The following RNF216 variants were observed in gnomAD, a reference collection of about 807,000 sequenced individuals.
The protein encoded by RNF216 is ring finger protein 216.
RNF216 carries 72 observed loss-of-function variants against 110.8 expected under a neutral mutation model. The observed-to-expected ratio is 0.65, with a 90% CI of 0.54 to 0.79. The LOEUF (loss-of-function observed/expected upper bound fraction) is 0.79, where lower values mean the gene tolerates loss of function less well. Ranked by LOEUF, RNF216 falls within the 30% of genes least tolerant of loss-of-function variation. RNF216 has a pLI of 0.00. For missense variants in RNF216, 1,342 were observed against 1,141.2 expected (o/e 1.18, Z -2.54); for synonymous variants, 495 against 407.5 (o/e 1.21, Z -2.59).
At chr7:5,682,456 G>A (rs528997854) in intron 13 of RNF216, among the ~76,000 whole-genome samples, 1 of 149,442 alleles carries the variant, frequency 6.7e-6, no homozygotes, top group Admixed American at 6.7e-5. Flanking sequence ...TGCCCAGGCT[G>A]CAGTGCAGTG....
At chr7:5,721,232 A>T in intron 8 of RNF216, 60 bp from the exon 9 acceptor site, 1 of 1,472,648 alleles carries the variant, frequency 6.8e-7, no homozygotes, top group East Asian at 2.3e-5. Context: ...AACCTGGGCC[A>T]GCCATGTCCA....
At chr7:5,659,389 G>C (rs1276551704) in intron 13 of RNF216, among the ~76,000 whole-genome samples, 1 of 152,184 alleles carries the variant, frequency 6.6e-6, no homozygotes, top group Non-Finnish European at 1.5e-5. Flanking sequence ...AGTCGGCCAG[G>C]TATGGGTACA....
chr7:5,767,170 G>C (rs1359816188), intron 1 of RNF216, among the ~76,000 whole-genome samples: 1 of 152,142 alleles, frequency 6.6e-6, no homozygotes, highest in Non-Finnish European at 1.5e-5. Flanking sequence ...CAGAAAGGAC[G>C]AATATATAAA....
rs28679698 is a variant in RNF216, at chr7:5,641,080, T to C, written c.2382+74A>G. On this transcript the variant is annotated intron_variant, in intron 15 of 16. Transcript: ENST00000389902. ...CCTAAGTCAAATTTTGTTACGTATA[T>C]TCAAAATATTTGTCATAAAAATATA... The C allele has an allele frequency of 0.013, 15,361 of 1,221,592 alleles. 1,386 individuals carry two copies. The African/African-American group carries it at 0.2, about 16-fold the overall frequency. 75.7% of individuals were successfully genotyped at this position (1,221,592 alleles called of 1,614,324 possible). A position where few individuals can be genotyped will look rare whatever the true frequency, so the allele number is the denominator to read the frequency against.
At chr7:5,649,306 C>CGCTTGAACCTGGGAG (rs1562788427) in intron 14 of RNF216, among the ~76,000 whole-genome samples, 1 of 151,748 alleles carries the variant, frequency 6.6e-6, no homozygotes, top group African/African-American at 2.4e-5. Flanking sequence ...GCAGTAGAGT[C>CGCTTGAACCTGGGAG]GCTTGAACCT....
chr7:5,650,405 A>C (rs1322499230), intron 14 of RNF216, among the ~76,000 whole-genome samples: 1 of 152,218 alleles, frequency 6.6e-6, no homozygotes, highest in Non-Finnish European at 1.5e-5. Context: ...GTGCTTTGTA[A>C]GTAATTCTCC....
At chr7:5,705,918 AAAACAAAACAAAAC>A (rs1483706380) in intron 13 of RNF216, among the ~76,000 whole-genome samples, 2 of 966 alleles carry the variant, frequency 2.1e-3, no homozygotes, top group African/African-American at 7.6e-3. Context: ...AACAAAAACT[AAAACAAAACAAAAC>A]AAAACAAAAC....
intron 7 of RNF216, 37 bp from the exon 8 acceptor site, chr7:5,725,475 T>C (rs1163842785): frequency 2.4e-6 from 3 of 1,225,880 alleles, no homozygotes; most frequent in Admixed American, 1.8e-5. Context: ...CTTCTGTAAA[T>C]AGAAAATAAG....
intron 13 of RNF216, among the ~76,000 whole-genome samples, chr7:5,697,897 G>C (rs999988902): frequency 6.6e-5 from 10 of 152,296 alleles, no homozygotes; most frequent in East Asian, 1.9e-4. Context: ...AAGTCTAACA[G>C]AGCAGGGGAG....
intron 13 of RNF216, among the ~76,000 whole-genome samples, chr7:5,711,224 G>C (rs188647858): frequency 9.2e-5 from 14 of 152,328 alleles, no homozygotes; most frequent in Non-Finnish European, 2.1e-4. Context: ...ACAAAGATCT[G>C]CAACAGTAAT....
rs1294318974 is a variant in RNF216, at chr7:5,696,426, T to C, written c.2061+15335A>G. ...TGAAGGTTACATGGTTTCCTCCTTA[T>C]GTAAAGCACCTGAGGACTAAAACAA... On this transcript the variant is annotated intron_variant, in intron 13 of 16. Transcript: ENST00000389902. The surrounding 1 kb of genome is among the most constrained non-coding windows in gnomAD (Gnocchi z 5.4). 6.6e-6 allele frequency among the ~76,000 whole-genome samples: 1 copy of C among 152,206 alleles called. No homozygotes were observed. Among genetic ancestry groups the C allele is most frequent in the Non-Finnish European group, 1.5e-5 (1 of 68,036 alleles).
At chr7:5,756,794 A>G (rs892765113) in intron 2 of RNF216, among the ~76,000 whole-genome samples, 16 of 151,938 alleles carry the variant, frequency 1.1e-4, no homozygotes, top group African/African-American at 3.4e-4. Context: ...TACCCAGCTA[A>G]ATTTTTTATA....
intron 13 of RNF216, among the ~76,000 whole-genome samples, chr7:5,656,081 C>A (rs891694916): frequency 1.3e-5 from 2 of 152,150 alleles, no homozygotes; most frequent in African/African-American, 2.4e-5. Context: ...CCAGCCTGGG[C>A]AACATGGTCA....
chr7:5,765,451 G>A lies in RNF216; in HGVS notation c.-69-4313C>T, dbSNP rs560097366. ...TGCACTCCAGCCTAGGCAACAGGGT[G>A]AGACTCCATCTCAAAAAATAAAAAA... On this transcript the variant is annotated intron_variant, in intron 1 of 16. Coordinates refer to ENST00000389902, the MANE Select transcript of RNF216 (RefSeq NM_207111.4). Among the ~76,000 whole-genome samples, 4 of 152,094 alleles carry A rather than the reference G, an allele frequency of 2.6e-5. No individual in the cohort carries two copies. In the South Asian group the frequency reaches 6.2e-4, roughly 24 times the overall value.
At chr7:5,727,135 A>G (rs533143587) in intron 7 of RNF216, among the ~76,000 whole-genome samples, 1 of 152,158 alleles carries the variant, frequency 6.6e-6, no homozygotes, top group South Asian at 2.1e-4. Flanking sequence ...GGTGGCTATG[A>G]TGCAGTGTTT....
Position 5,680,239 on chromosome 7 carries a change from T to C in RNF216, c.2062-27729A>G, listed in dbSNP as rs1041894692. ...TCCTCTTCCGGAAGTCTCTTCATGC[T>C]CTAATGCAGCCTTCAAGGTCCAACA... On this transcript the variant is annotated intron_variant, in intron 13 of 16. Transcript: ENST00000389902. This position sits in a 1 kb window ranked among gnomAD's most constrained non-coding sequence, Gnocchi z 4.3. The C allele has an allele frequency of 2.0e-4, 30 of 152,260 alleles. No homozygotes were observed. Among genetic ancestry groups the C allele is most frequent in the Non-Finnish European group, 4.4e-5 (3 of 68,104 alleles). The allele number at this position is 152,260 out of a possible 1,614,324, so 9.4% of individuals were successfully genotyped here. A position where few individuals can be genotyped will look rare whatever the true frequency, so the allele number is the denominator to read the frequency against.
intron 15 of RNF216, among the ~76,000 whole-genome samples, chr7:5,638,651 G>C (rs1288624257): frequency 2.2e-5 from 3 of 138,426 alleles, no homozygotes; most frequent in Non-Finnish European, 3.1e-5. Flanking sequence ...TTTTTTTTTG[G>C]GGGGGAGACA....
intron 13 of RNF216, among the ~76,000 whole-genome samples, chr7:5,660,943 G>GTTTTTTTTTTTTTTTTTTTT (rs1168463360): frequency 5.5e-5 from 5 of 90,150 alleles, no homozygotes; most frequent in East Asian, 3.0e-4. Context: ...GAAGCCTTAG[G>GTTTTTTTTTTTTTTTTTTTT]TTTTTTTTTT....
At chr7:5,664,809 T>C (rs1789401091) in intron 13 of RNF216, among the ~76,000 whole-genome samples, 1 of 152,206 alleles carries the variant, frequency 6.6e-6, no homozygotes, top group African/African-American at 2.4e-5. Flanking sequence ...TTTTCTTTTT[T>C]CTTGAGATGA....
Sources: gnomAD v4.1 joint callset for allele counts (sites outside exome capture counted in the v4.1 genomes callset) on GRCh38, gnomAD v4.1.1 for gene constraint, Gnocchi (gnomAD v3.1) non-coding constraint, MANE v1.5 for transcripts, NCBI Gene and HGNC (gene_info 2026-07-23, HGNC 2026-07-21) for gene names.